CREBBP: variants seen among roughly 807,000 people sequenced by gnomAD.
CREBBP encodes the protein CREB binding lysine acetyltransferase.
A neutral mutation model predicts 265.0 loss-of-function variants in CREBBP; 19 were observed. The observed-to-expected ratio is 0.07, with a 90% CI of 0.05 to 0.11. The LOEUF (loss-of-function observed/expected upper bound fraction) is 0.11, where lower values mean the gene tolerates loss of function less well. Among genes scored for constraint, CREBBP ranks in the 10% least tolerant of loss-of-function variants. The probability of loss-of-function intolerance (pLI) is 1.00; values close to 1 mark genes in which losing one functional copy is unlikely to be tolerated. For synonymous variants in CREBBP, 1,457 were observed against 1,223.7 expected, an observed-to-expected ratio of 1.19 and a Z score of -3.98; for missense variants, 2,525 against 3,219.0, an observed-to-expected ratio of 0.78 and a Z score of 5.22.
chr16:3,806,948 A>T (rs2053842453), intron 3 of CREBBP, among the ~76,000 whole-genome samples: 1 of 151,914 alleles, frequency 6.6e-6, no homozygotes, highest in Non-Finnish European at 1.5e-5. Flanking sequence ...CTCCTTCCTC[A>T]ATGTGGCCTT....
intron 2 of CREBBP, among the ~76,000 whole-genome samples, chr16:3,841,882 G>C (rs2054572970): frequency 6.6e-6 from 1 of 152,148 alleles, no homozygotes; most frequent in Non-Finnish European, 1.5e-5. Flanking sequence ...CAGAAACTTG[G>C]TAAGTTGGAG....
In CREBBP at chr16:3,782,938, AACAG is replaced by A. The variant is rs753022228; in HGVS notation, c.1331-16_1331-13del. 14 of 1,613,760 alleles carry A rather than the reference AACAG, an allele frequency of 8.7e-6. No individual in the cohort carries two copies. The highest frequency in any genetic ancestry group is 2.7e-5 in the African/African-American group (2 of 75,038). On this transcript the variant is annotated splice_polypyrimidine_tract_variant and intron_variant, in intron 5 of 30. Coordinates refer to ENST00000262367, the MANE Select transcript of CREBBP (RefSeq NM_004380.3). ...AGACCCCAGGATGGCTATAACGACA[AACAG>A]ACAGACAGACAAAAACGAGAGGTAA... is the stretch of plus-strand genomic sequence containing the variant.
intron 5 of CREBBP, among the ~76,000 whole-genome samples, chr16:3,785,953 T>C (rs1703273184): frequency 6.6e-6 from 1 of 152,232 alleles, no homozygotes; most frequent in Admixed American, 6.5e-5. Context: ...CCTTCTGATG[T>C]TGCTGAAGAA....
chr16:3,859,752 T>C (rs2055035074), intron 1 of CREBBP, among the ~76,000 whole-genome samples: 2 of 152,328 alleles, frequency 1.3e-5, no homozygotes, highest in East Asian at 1.9e-4. Flanking sequence ...AGCTTCCAGA[T>C]AGCTGAACAC....
intron 3 of CREBBP, among the ~76,000 whole-genome samples, 175 bp from the exon 4 acceptor site, chr16:3,793,801 C>G (rs1193214423): frequency 1.3e-5 from 2 of 151,926 alleles, no homozygotes; most frequent in African/African-American, 4.8e-5. Context: ...GCACAGAAAT[C>G]AACCCAACTC....
intron 3 of CREBBP, among the ~76,000 whole-genome samples, chr16:3,810,325 G>C (rs1249535440): frequency 6.6e-6 from 1 of 152,150 alleles, no homozygotes; most frequent in East Asian, 1.9e-4. Context: ...CATGATTCTG[G>C]AGAGAAAGGT....
rs765176156 is a variant in CREBBP at position 3,778,706 on chromosome 16, G to A, written c.1935C>T (p.Asn645=). Residue 645 remains asparagine, a synonymous_variant, in exon 9 of 31, where the codon AAC becomes AAT. Coordinates refer to ENST00000262367, the MANE Select transcript of CREBBP (RefSeq NM_004380.3). The part of the protein sequence containing the change: ...KVEGDMYESA[N]SRDEYYHLLA... ...ACGGTAAACAGCAACCTACCCTGCT[G>A]TTGGCAGACTCGTACATGTCCCCTT... 8.1e-6 allele frequency: 13 copies of A among 1,612,892 alleles called. No individual in the cohort carries two copies. In the Admixed American group the frequency reaches 1.7e-4, roughly 21 times the overall value.
chr16:3,857,377 C>T (rs1408715001), intron 1 of CREBBP, among the ~76,000 whole-genome samples: 2 of 152,124 alleles, frequency 1.3e-5, no homozygotes, highest in East Asian at 1.9e-4. Context: ...ACAGGTGTGG[C>T]TTTTTAAAAG....
chr16:3,727,020 G>C lies in CREBBP; in HGVS notation c.*698C>G, dbSNP rs2051763504. ...GAAGGCTTCTTCTCTAGTAACATTA[G>C]CATGGTCTAAGAGTGATCATCCCTA... On this transcript the variant is annotated 3_prime_UTR_variant, in exon 31 of 31. Coordinates refer to ENST00000262367, the MANE Select transcript of CREBBP (RefSeq NM_004380.3). The C allele has an allele frequency of 1.7e-5, 4 of 233,548 alleles. No homozygotes were observed. The highest frequency in any genetic ancestry group is 3.4e-5 in the Non-Finnish European group (4 of 118,058). The allele number at this position is 233,548 out of a possible 1,614,324, so 14.5% of individuals were successfully genotyped here. A position where few individuals can be genotyped will look rare whatever the true frequency, so the allele number is the denominator to read the frequency against.
rs1357446938 is a variant in CREBBP, at chr16:3,727,970, T to G, written c.7077A>C (p.Pro2359=). Residue 2359 remains proline (P), a synonymous_variant, in exon 31 of 31, where the codon CCA becomes CCC. Coordinates refer to ENST00000262367, the MANE Select transcript of CREBBP (RefSeq NM_004380.3). The stretch of plus-strand genomic sequence containing the variant: ...GTATCCGTGGTGACGGGCTGGAATG[T>G]GGAGGCTGGGACTGGGGCCGTGGAG... ...VQSPRPQSQP[P]HSSPSPRIQP... The G allele has an allele frequency of 6.2e-7, 1 of 1,607,576 alleles. No individual in the cohort carries two copies. The highest frequency in any genetic ancestry group is 1.3e-5 in the African/African-American group (1 of 74,766).
At chr16:3,828,555 T>C (rs553524563) in intron 2 of CREBBP, among the ~76,000 whole-genome samples, 14 of 152,352 alleles carry the variant, frequency 9.2e-5, no homozygotes, top group South Asian at 8.3e-4. Context: ...AAAATACTCC[T>C]GGGAAATTAG....
chr16:3,770,015 C>T (rs1001445823), intron 14 of CREBBP, among the ~76,000 whole-genome samples: 2 of 152,118 alleles, frequency 1.3e-5, no homozygotes, highest in African/African-American at 2.4e-5. Context: ...GGAATACAGG[C>T]ACCAGCCATC....
Position 3,813,602 on chromosome 16 carries a change from G to T in CREBBP, c.799-2823C>A, listed in dbSNP as rs756272439. ...AACACGAACAACAACAAAAAATATA[G>T]TTTTTTTTCCCCCAGTTCCTAAATT... On this transcript the variant is annotated intron_variant, in intron 2 of 30. Transcript: ENST00000262367. Among the ~76,000 whole-genome samples, 6 of 152,048 alleles carry T rather than the reference G, an allele frequency of 3.9e-5. No homozygotes were observed. In the Middle Eastern group the frequency reaches 0.014, roughly 345 times the overall value.
At chr16:3,846,835 A>T (rs1422708182) in intron 2 of CREBBP, among the ~76,000 whole-genome samples, 3 of 152,220 alleles carry the variant, frequency 2.0e-5, no homozygotes, top group African/African-American at 7.2e-5. Flanking sequence ...AAGAAATAAT[A>T]GTTGCCTTTG....
intron 28 of CREBBP, among the ~76,000 whole-genome samples, chr16:3,734,060 T>C (rs2051988096): frequency 6.6e-6 from 1 of 152,218 alleles, no homozygotes; most frequent in Non-Finnish European, 1.5e-5. Flanking sequence ...TGTTCTGTGT[T>C]CTGGAGCTTT....
chr16:3,782,141 C>T (rs906510961), intron 6 of CREBBP, among the ~76,000 whole-genome samples: 2 of 152,128 alleles, frequency 1.3e-5, no homozygotes, highest in Admixed American at 6.5e-5. Context: ...AAAATCATGG[C>T]GATGTGTGAG....
In CREBBP at chr16:3,880,137, C is replaced by CCGGCCG. The variant is rs1321131281; in HGVS notation, c.-227_-222dup. 1 of 154,184 alleles carries CCGGCCG rather than the reference C, an allele frequency of 6.5e-6. No homozygotes were observed. The highest frequency in any genetic ancestry group is 1.4e-5 in the Non-Finnish European group (1 of 71,480). 9.6% of individuals were successfully genotyped at this position (154,184 alleles called of 1,614,324 possible). A position where few individuals can be genotyped will look rare whatever the true frequency, so the allele number is the denominator to read the frequency against. On this transcript the variant is annotated 5_prime_UTR_variant, in exon 1 of 31. Coordinates refer to ENST00000262367, the MANE Select transcript of CREBBP (RefSeq NM_004380.3). ...GCCCCGCAGCGCTCACCGCCCGCCC[C>CCGGCCG]CGGCCGCCGCCGCCGCCGCCGGCCG...
At chr16:3,742,741 A>T (rs972377461) in intron 23 of CREBBP, 1 of 152,090 alleles carries the variant, frequency 6.6e-6, no homozygotes, top group African/African-American at 2.4e-5. Context: ...GTGATCAGAC[A>T]CCACAACGCC....
chr16:3,856,741 C>T (rs963816834), intron 1 of CREBBP, among the ~76,000 whole-genome samples: 2 of 152,104 alleles, frequency 1.3e-5, no homozygotes, highest in African/African-American at 4.8e-5. Flanking sequence ...CTGTCCAGGG[C>T]GAGGATGAAG....
Sources: allele counts gnomAD v4.1 joint callset (sites outside exome capture counted in the v4.1 genomes callset), GRCh38; gene constraint gnomAD v4.1.1; transcripts MANE v1.5; gene names NCBI Gene and HGNC (gene_info 2026-07-23, HGNC 2026-07-21).